The following GATAD2B variants were observed in gnomAD, a reference collection of about 807,000 sequenced individuals.
GATAD2B encodes the protein GATA zinc finger domain containing 2B.
In GATAD2B, 8 loss-of-function variants were observed where a neutral mutation model predicts 64.3. The ratio of observed to expected loss-of-function variants is 0.12; its 90% confidence interval spans 0.07 to 0.22. GATAD2B has a LOEUF of 0.22. Among genes scored for constraint, GATAD2B ranks in the 10% least tolerant of loss-of-function variants. The pLI is 1.00. For missense variants in GATAD2B, 453 were observed against 752.0 expected (o/e 0.60, Z 4.65); for synonymous variants, 281 against 271.3 (o/e 1.04, Z -0.35).
intron 1 of GATAD2B, among the ~76,000 whole-genome samples, chr1:153,846,439 T>C: frequency 6.6e-6 from 1 of 151,986 alleles, no homozygotes; most frequent in Non-Finnish European, 1.5e-5. Context: ...GGTTTCACCA[T>C]ATTGGCCACG....
intron 1 of GATAD2B, among the ~76,000 whole-genome samples, chr1:153,913,098 T>C (rs1325901799): frequency 6.6e-6 from 1 of 151,754 alleles, no homozygotes; most frequent in East Asian, 1.9e-4. Flanking sequence ...CTAAAAAAAA[T>C]TGTATTTTTA....
intron 1 of GATAD2B, among the ~76,000 whole-genome samples, chr1:153,832,771 A>G (rs1283953714): frequency 6.6e-6 from 1 of 152,138 alleles, no homozygotes; most frequent in Non-Finnish European, 1.5e-5. Flanking sequence ...CATAGTACCC[A>G]ATGGGTAGTT....
At chr1:153,843,932 C>G (rs1675590487) in intron 1 of GATAD2B, among the ~76,000 whole-genome samples, 1 of 151,964 alleles carries the variant, frequency 6.6e-6, no homozygotes, top group Non-Finnish European at 1.5e-5. Flanking sequence ...GAAGTGAGCT[C>G]TACAACTGGC....
intron 1 of GATAD2B, among the ~76,000 whole-genome samples, chr1:153,891,650 A>G (rs1677403739): frequency 9.7e-5 from 3 of 30,984 alleles, no homozygotes; most frequent in Non-Finnish European, 2.0e-4. Flanking sequence ...GAAGGGTAAG[A>G]GGAGGTAAGT....
At chr1:153,874,246 A>G (rs1000082705) in intron 1 of GATAD2B, among the ~76,000 whole-genome samples, 1 of 150,920 alleles carries the variant, frequency 6.6e-6, no homozygotes, top group African/African-American at 2.4e-5. Flanking sequence ...TGGGAGACAG[A>G]GCAACACTCC....
At chr1:153,852,308 C>CA (rs1675925377) in intron 1 of GATAD2B, 4 of 1,036,228 alleles carry the variant, frequency 3.9e-6, no homozygotes, top group Admixed American at 1.7e-5. Context: ...TGGAGGCTGT[C>CA]AGACACTTCC....
intron 1 of GATAD2B, among the ~76,000 whole-genome samples, chr1:153,870,139 T>C (rs1475356013): frequency 2.6e-5 from 4 of 152,070 alleles, no homozygotes; most frequent in East Asian, 1.9e-4. Context: ...TTAGTAGAGA[T>C]AGGGTTTCAT....
intron 1 of GATAD2B, among the ~76,000 whole-genome samples, chr1:153,833,776 C>CTCCA (rs1283024530): frequency 7.0e-6 from 1 of 142,448 alleles, no homozygotes; most frequent in South Asian, 2.2e-4. Flanking sequence ...TGCCACTGCG[C>CTCCA]TCCAGCCTGG....
At chr1:153,835,592 G>A (rs1675234411) in intron 1 of GATAD2B, among the ~76,000 whole-genome samples, 1 of 152,048 alleles carries the variant, frequency 6.6e-6, no homozygotes, top group East Asian at 1.9e-4. Flanking sequence ...ACTTGCTGAA[G>A]GCTCAGATGA....
At position 153,816,059 on chromosome 1, in the gene GATAD2B, AACACACACACACAC is replaced by A. The variant is rs71093286; in HGVS notation, c.1216+200_1216+213del. On this transcript the variant is annotated intron_variant, in intron 7 of 10. Coordinates refer to ENST00000368655, the MANE Select transcript of GATAD2B (RefSeq NM_020699.4). The surrounding 1 kb of genome is among the most constrained non-coding windows in gnomAD (Gnocchi z 4.9). ...CAGAGCGAGACTGCATCTCAAACAA[AACACACACACACAC>A]ACACACACACACACACACACACACA... Among the ~76,000 whole-genome samples, 8 of 141,886 alleles carry A rather than the reference AACACACACACACAC, an allele frequency of 5.6e-5. No individual in the cohort carries two copies. The highest frequency in any genetic ancestry group is 2.1e-4 in the East Asian group (1 of 4,710). 93.1% of individuals were successfully genotyped at this position (141,886 alleles called of 152,430 possible).
intron 1 of GATAD2B, among the ~76,000 whole-genome samples, chr1:153,843,698 A>C (rs1248458578): frequency 6.6e-6 from 1 of 151,606 alleles, no homozygotes; most frequent in Non-Finnish European, 1.5e-5. Flanking sequence ...CCACCTCAAC[A>C]TTTAGGGATC....
At chr1:153,910,745 AAATAAATAAATAC>A (rs145293409) in intron 1 of GATAD2B, among the ~76,000 whole-genome samples, 2 of 152,270 alleles carry the variant, frequency 1.3e-5, no homozygotes, top group African/African-American at 2.4e-5. Context: ...GTGTCAAAAT[AAATAAATAAATAC>A]AATAAATAAA....
In GATAD2B at chr1:153,894,787, G is replaced by A. The variant is rs147478058; in HGVS notation, c.-2+27946C>T. 4.1e-3 allele frequency among the ~76,000 whole-genome samples: 620 copies of A among 150,970 alleles called. 5 individuals carry two copies. The highest frequency in any genetic ancestry group is 0.014 in the African/African-American group (580 of 41,068). ...TGAGGCAGGAGAATCGCTTGAACCC[G>A]AGAGGCAGAGGTCGCAGTAAGTGGA... On this transcript the variant is annotated intron_variant, in intron 1 of 10. Transcript: ENST00000368655.
intron 1 of GATAD2B, among the ~76,000 whole-genome samples, chr1:153,901,548 C>T (rs1448133107): frequency 6.6e-6 from 1 of 152,020 alleles, no homozygotes; most frequent in Non-Finnish European, 1.5e-5. Context: ...TGTCCAACTG[C>T]GCCCGATGGC....
chr1:153,907,135 T>C (rs1677967340), intron 1 of GATAD2B, among the ~76,000 whole-genome samples: 1 of 152,206 alleles, frequency 6.6e-6, no homozygotes, highest in African/African-American at 2.4e-5. Flanking sequence ...GATCTAACAA[T>C]TTCAATTCTG....
chr1:153,862,118 C>CTTTTT lies in GATAD2B; in HGVS notation c.-1-33775_-1-33771dup, dbSNP rs754580519. ...CAACGTATTTTACATACATTATATC[C>CTTTTT]TTTTTTTTTTTTTTTTTTTTTTTAG... On this transcript the variant is annotated intron_variant, in intron 1 of 10. Transcript: ENST00000368655. Among the ~76,000 whole-genome samples the CTTTTT allele has an allele frequency of 2.5e-4, 25 of 101,178 alleles. 1 individual carries two copies. Among genetic ancestry groups the CTTTTT allele is most frequent in the Admixed American group, 8.3e-4 (6 of 7,272 alleles). 66.4% of individuals were successfully genotyped at this position (101,178 alleles called of 152,430 possible).
At chr1:153,911,766 G>T (rs922872291) in intron 1 of GATAD2B, among the ~76,000 whole-genome samples, 6 of 151,478 alleles carry the variant, frequency 4.0e-5, no homozygotes, top group Non-Finnish European at 2.9e-5. Context: ...AAAAAACAAA[G>T]CCAACTTCCA....
intron 1 of GATAD2B, among the ~76,000 whole-genome samples, chr1:153,899,495 A>G (rs1324847079): frequency 6.6e-6 from 1 of 151,024 alleles, no homozygotes; most frequent in East Asian, 2.0e-4. Flanking sequence ...TGAACCCAGG[A>G]TGTGGAGGTT....
rs1022398657 is a variant in GATAD2B, at chr1:153,807,633, G to A, written c.*2544C>T. On this transcript the variant is annotated 3_prime_UTR_variant, in exon 11 of 11. Transcript: ENST00000368655. ...CCCCTGTGACCTCAGCACCTAAGCA[G>A]GCACTCGACTATAGGCTTTCCTTCT... The A allele has an allele frequency of 6.6e-6, 1 of 152,636 alleles. No homozygotes were observed. Among genetic ancestry groups the A allele is most frequent in the Non-Finnish European group, 1.5e-5 (1 of 68,096 alleles). The allele number at this position is 152,636 out of a possible 1,614,324, so 9.5% of individuals were successfully genotyped here.
Sources: allele counts gnomAD v4.1 joint callset (sites outside exome capture counted in the v4.1 genomes callset), GRCh38; gene constraint gnomAD v4.1.1; non-coding constraint Gnocchi (gnomAD v3.1); transcripts MANE v1.5; gene names NCBI Gene and HGNC (gene_info 2026-07-23, HGNC 2026-07-21).